PLD5: variants seen among roughly 807,000 people sequenced by gnomAD.
PLD5 encodes inactive phospholipase D5.
Under a neutral mutation model 61.1 loss-of-function variants are expected in PLD5, and 36 were observed. The ratio of observed to expected loss-of-function variants is 0.59; its 90% CI spans 0.45 to 0.78. The LOEUF (loss-of-function observed/expected upper bound fraction) is 0.78, where lower values mean the gene tolerates loss of function less well. PLD5 is among the 30% of genes least tolerant of loss of function. PLD5 has a pLI of 0.00. For missense variants in PLD5, 515 were observed against 644.4 expected, an observed-to-expected ratio of 0.80 and a Z score of 2.17; for synonymous variants, 243 against 242.8, an observed-to-expected ratio of 1.00 and a Z score of -0.01.
intron 3 of PLD5, among the ~76,000 whole-genome samples, chr1:242,275,099 A>C (rs1293932417): frequency 6.6e-6 from 1 of 152,152 alleles, no homozygotes; most frequent in Admixed American, 6.5e-5. Context: ...TTTAAGTGAA[A>C]ATTAAAAAGG....
At chr1:242,397,467 A>G (rs1233769904) in intron 1 of PLD5, among the ~76,000 whole-genome samples, 1 of 151,754 alleles carries the variant, frequency 6.6e-6, no homozygotes, top group Non-Finnish European at 1.5e-5. Flanking sequence ...CACCATTATT[A>G]GAGAAAAAAT....
intron 1 of PLD5, among the ~76,000 whole-genome samples, chr1:242,383,859 C>T (rs1662444741): frequency 6.6e-6 from 1 of 152,132 alleles, no homozygotes; most frequent in East Asian, 1.9e-4. Context: ...AGGTTTCTTC[C>T]ATGTACTGTT....
At chr1:242,098,604 A>G (rs919014051) in intron 9 of PLD5, among the ~76,000 whole-genome samples, 1 of 152,116 alleles carries the variant, frequency 6.6e-6, no homozygotes, top group African/African-American at 2.4e-5. Flanking sequence ...GCTGGTGAGG[A>G]GCTGCGTTCC....
At chr1:242,204,229 C>A (rs1032637132) in intron 5 of PLD5, among the ~76,000 whole-genome samples, 2 of 149,790 alleles carry the variant, frequency 1.3e-5, no homozygotes, top group African/African-American at 5.0e-5. Context: ...GGCGACAGAG[C>A]GAGACTCTTG....
In PLD5 at chr1:242,157,789, C is replaced by T. The variant is rs181090981; in HGVS notation, c.736-33124G>A. Among the ~76,000 whole-genome samples the T allele has an allele frequency of 7.2e-5, 11 of 152,256 alleles. No homozygotes were observed. The East Asian group carries it at 9.7e-4, about 13-fold the overall frequency. ...GGTGTCTCCCAGTCAGGATACATGG[C>T]GGTCAGGGACCTACTTGAGGAGGCA... On this transcript the variant is annotated intron_variant, in intron 5 of 9. Coordinates refer to ENST00000536534, the MANE Select transcript of PLD5 (RefSeq NM_001372062.1).
At chr1:242,394,398 A>T (rs1341736337) in intron 1 of PLD5, among the ~76,000 whole-genome samples, 1 of 102,232 alleles carries the variant, frequency 9.8e-6, no homozygotes, top group Non-Finnish European at 1.9e-5. Context: ...ATGAGTATAT[A>T]TGTGTGTATA....
chr1:242,273,085 T>A (rs1466981119), intron 3 of PLD5, among the ~76,000 whole-genome samples: 1 of 150,520 alleles, frequency 6.6e-6, no homozygotes, highest in African/African-American at 2.4e-5. Flanking sequence ...TTGCCCCCCA[T>A]CCCCCAACAG....
chr1:242,097,571 TC>T (rs1467396977), intron 9 of PLD5, among the ~76,000 whole-genome samples: 2 of 152,226 alleles, frequency 1.3e-5, no homozygotes, highest in African/African-American at 4.8e-5. Context: ...TCTGTTCATA[TC>T]CTTTGCCCAC....
intron 3 of PLD5, among the ~76,000 whole-genome samples, chr1:242,271,022 T>A (rs1217295307): frequency 6.6e-6 from 1 of 152,100 alleles, no homozygotes; most frequent in Admixed American, 6.6e-5. Context: ...ACACAATATG[T>A]GCACTGAAGG....
intron 3 of PLD5, among the ~76,000 whole-genome samples, chr1:242,268,305 G>A (rs115626644): frequency 0.019 from 2,877 of 152,206 alleles, 62 homozygotes; most frequent in African/African-American, 0.058. Flanking sequence ...CAAACACTTC[G>A]TGTGTTCCGT....
chr1:242,528,379 A>G (rs990805095), upstream of PLD5, among the ~76,000 whole-genome samples: 4 of 152,202 alleles, frequency 2.6e-5, no homozygotes, highest in African/African-American at 9.6e-5. Context: ...ATTAGCAGCT[A>G]TATCAATTAA....
At chr1:242,317,492 TAA>T (rs142255027) in intron 2 of PLD5, among the ~76,000 whole-genome samples, 27,491 of 152,066 alleles carry the variant, frequency 0.18, 2,846 homozygotes, top group East Asian at 0.39. Flanking sequence ...TAGAAAAATA[TAA>T]GTCTCTTCCC....
At chr1:242,200,858 C>T (rs966473539) in intron 5 of PLD5, among the ~76,000 whole-genome samples, 1 of 152,142 alleles carries the variant, frequency 6.6e-6, no homozygotes, top group African/African-American at 2.4e-5. Context: ...AAAGCTCTTA[C>T]TAAAAATTAT....
intron 5 of PLD5, among the ~76,000 whole-genome samples, chr1:242,190,493 T>C (rs560940152): frequency 6.6e-6 from 1 of 152,138 alleles, no homozygotes; most frequent in Admixed American, 6.5e-5. Flanking sequence ...GATGTGACTA[T>C]CGTGTATTCT....
Position 242,504,001 on chromosome 1 carries a change from A to G in PLD5, c.189+20087T>C, listed in dbSNP as rs181755640. On this transcript the variant is annotated intron_variant, in intron 1 of 9. Coordinates refer to ENST00000536534, the MANE Select transcript of PLD5 (RefSeq NM_001372062.1). ...TGGGTATTCTCTTAGTTAATGCTGA[A>G]CTTATCACAAGTGACACAGACTAAC... Among the ~76,000 whole-genome samples the G allele has an allele frequency of 1.3e-3, 198 of 152,312 alleles. 2 individuals carry two copies. Among genetic ancestry groups the G allele is most frequent in the East Asian group, 1.7e-3 (9 of 5,180 alleles).
intron 2 of PLD5, among the ~76,000 whole-genome samples, chr1:242,334,572 G>A (rs1183085341): frequency 6.6e-6 from 1 of 152,188 alleles, no homozygotes; most frequent in African/African-American, 2.4e-5. Flanking sequence ...AGCCCTCATC[G>A]CAGCAGCCCT....
intron 2 of PLD5, among the ~76,000 whole-genome samples, chr1:242,320,163 G>A (rs1236274456): frequency 1.3e-5 from 2 of 151,056 alleles, no homozygotes; most frequent in African/African-American, 2.4e-5. Flanking sequence ...TGTATGAATA[G>A]GTTTAAAATA....
chr1:242,306,553 T>C (rs1471899210), intron 2 of PLD5, among the ~76,000 whole-genome samples: 1 of 152,028 alleles, frequency 6.6e-6, no homozygotes, highest in Non-Finnish European at 1.5e-5. Flanking sequence ...TATATATTTT[T>C]AACATAATCT....
chr1:242,250,947 T>C (rs1035449783), intron 4 of PLD5, among the ~76,000 whole-genome samples: 9 of 152,146 alleles, frequency 5.9e-5, no homozygotes, highest in Non-Finnish European at 1.2e-4. Context: ...ACTGATTTGA[T>C]TTTGAAGGTT....
Sources: gnomAD v4.1 joint callset for allele counts (sites outside exome capture counted in the v4.1 genomes callset) on GRCh38, gnomAD v4.1.1 for gene constraint, MANE v1.5 for transcripts, NCBI Gene and HGNC (gene_info 2026-07-23, HGNC 2026-07-21) for gene names.